ITPKB: variants seen among roughly 807,000 people sequenced by gnomAD.
The protein encoded by ITPKB is IP3 3-kinase B.
ITPKB carries 13 observed loss-of-function variants against 69.4 expected under a neutral mutation model. The ratio of observed to expected loss-of-function variants is 0.19; its 90% confidence interval spans 0.12 to 0.30. The LOEUF (loss-of-function observed/expected upper bound fraction) is 0.30. ITPKB is among the 10% of genes least tolerant of loss of function. The pLI, the probability that ITPKB is intolerant of heterozygous loss-of-function variation, is 1.00. For synonymous variants in ITPKB, 584 were observed against 513.7 expected (o/e 1.14, Z -1.85); for missense variants, 1,240 against 1,250.5 (o/e 0.99, Z 0.13).
intron 2 of ITPKB, among the ~76,000 whole-genome samples, chr1:226,683,498 G>A (rs547415155): frequency 1.3e-5 from 2 of 152,258 alleles, no homozygotes; most frequent in African/African-American, 4.8e-5. Context: ...TTGAACCCAT[G>A]TATATGTACC....
At chr1:226,737,933 T>C (rs892220139) in intron 1 of ITPKB, among the ~76,000 whole-genome samples, 6 of 152,070 alleles carry the variant, frequency 3.9e-5, no homozygotes, top group African/African-American at 1.4e-4. Context: ...CCAATCCTAA[T>C]ACTCGTCTCG....
chr1:226,642,641 G>A lies in ITPKB; in HGVS notation c.2247-516C>T, dbSNP rs534653025. Among the ~76,000 whole-genome samples, 25 of 152,148 alleles carry A rather than the reference G, an allele frequency of 1.6e-4. No individual in the cohort carries two copies. In the South Asian group the frequency reaches 4.6e-3, roughly 28 times the overall value. The stretch of plus-strand genomic sequence containing the variant: ...CGGAGGCAGGGCAGCAGGGGGTGTC[G>A]GGGGTGGCTGGTCCTGATCCTGCTG... On this transcript the variant is annotated intron_variant, in intron 4 of 7. Transcript: ENST00000429204. The surrounding 1 kb of genome is among the most constrained non-coding windows in gnomAD (Gnocchi z 6.4).
intron 2 of ITPKB, among the ~76,000 whole-genome samples, chr1:226,677,568 C>T (rs1290674553): frequency 6.6e-6 from 1 of 152,238 alleles, no homozygotes; most frequent in Non-Finnish European, 1.5e-5. Flanking sequence ...GCTGGAGGTA[C>T]TCCCTCTTCC....
intron 2 of ITPKB, among the ~76,000 whole-genome samples, chr1:226,689,425 G>C (rs969841824): frequency 2.0e-5 from 3 of 152,170 alleles, no homozygotes; most frequent in African/African-American, 7.2e-5. Context: ...CGCTGCTGCG[G>C]GCCAGGTACT....
chr1:226,637,814 C>A lies in ITPKB; in HGVS notation c.2554-64G>T. 1 of 1,234,654 alleles carries A rather than the reference C, an allele frequency of 8.1e-7. No individual in the cohort carries two copies. The highest frequency in any genetic ancestry group is 1.2e-6 in the Non-Finnish European group (1 of 845,086). 76.5% of individuals were successfully genotyped at this position (1,234,654 alleles called of 1,614,324 possible). On this transcript the variant is annotated intron_variant, in intron 6 of 7. Transcript: ENST00000429204. The surrounding 1 kb of genome is among the most constrained non-coding windows in gnomAD (Gnocchi z 4.3). Reference sequence around the variant, plus strand: ...TGGGGAAGGGCAGTGTCAGAACACCCATGCGGCCTCTAGTGGTCCCTCCCG... The same window carrying A: ...TGGGGAAGGGCAGTGTCAGAACACCAATGCGGCCTCTAGTGGTCCCTCCCG...
At chr1:226,713,232 G>A (rs749474732) in intron 2 of ITPKB, among the ~76,000 whole-genome samples, 2 of 151,980 alleles carry the variant, frequency 1.3e-5, no homozygotes, top group Non-Finnish European at 1.5e-5. Context: ...GTTCCCAGAC[G>A]GCTACTAATT....
chr1:226,639,714 A>T (rs988274637), intron 5 of ITPKB, 56 bp from the exon 6 acceptor site: 14 of 1,171,850 alleles, frequency 1.2e-5, no homozygotes, highest in Admixed American at 3.4e-5. Context: ...TCGGGCAGAA[A>T]CTGTTCTCAC....
intron 2 of ITPKB, among the ~76,000 whole-genome samples, chr1:226,686,836 G>GGCC (rs1268824300): frequency 6.6e-6 from 1 of 152,238 alleles, no homozygotes; most frequent in Non-Finnish European, 1.5e-5. Context: ...TGTGCCCTGG[G>GGCC]GGCCACATAT....
intron 2 of ITPKB, among the ~76,000 whole-genome samples, chr1:226,696,730 G>T (rs761844446): frequency 2.5e-4 from 38 of 152,116 alleles, no homozygotes; most frequent in Admixed American, 2.0e-3. Flanking sequence ...TTTACATCTG[G>T]TTAGGGCTCC....
intron 2 of ITPKB, among the ~76,000 whole-genome samples, chr1:226,700,464 TCAA>T (rs1217330290): frequency 2.9e-4 from 8 of 27,884 alleles, no homozygotes; most frequent in South Asian, 2.0e-3. Flanking sequence ...CAAGACTCCG[TCAA>T]AAAAAAAAAA....
At chr1:226,683,611 G>A (rs939598462) in intron 2 of ITPKB, among the ~76,000 whole-genome samples, 7 of 152,078 alleles carry the variant, frequency 4.6e-5, no homozygotes, top group African/African-American at 1.2e-4. Flanking sequence ...AAGTGGAGAC[G>A]GTGGCGGGGG....
intron 2 of ITPKB, among the ~76,000 whole-genome samples, chr1:226,722,504 C>T (rs575050059): frequency 2.6e-5 from 4 of 152,272 alleles, no homozygotes; most frequent in Admixed American, 6.5e-5. Context: ...AGTGTAATAC[C>T]GCAAGGTAAA....
intron 7 of ITPKB, among the ~76,000 whole-genome samples, chr1:226,636,562 C>T (rs1024866778): frequency 4.6e-5 from 7 of 152,252 alleles, no homozygotes; most frequent in African/African-American, 1.7e-4. Context: ...GCTGGCTCCG[C>T]AGCCTTCTCT....
At chr1:226,667,176 A>G (rs1309330849) in intron 2 of ITPKB, among the ~76,000 whole-genome samples, 2 of 152,104 alleles carry the variant, frequency 1.3e-5, no homozygotes, top group East Asian at 3.9e-4. Flanking sequence ...GAGGACATTC[A>G]CGTGATCTGG....
chr1:226,727,783 A>G (rs973618329), intron 2 of ITPKB, among the ~76,000 whole-genome samples: 1 of 152,136 alleles, frequency 6.6e-6, no homozygotes, highest in Non-Finnish European at 1.5e-5. Flanking sequence ...CCACCCCTTC[A>G]GAAGAGTTCT....
At chr1:226,707,933 G>C (rs1202465475) in intron 2 of ITPKB, 6 of 1,330,368 alleles carry the variant, frequency 4.5e-6, no homozygotes, top group Non-Finnish European at 5.9e-6. Context: ...GAGAAGAAAA[G>C]AGGTCATTTT....
At chr1:226,721,348 CAAAAAAAAAAA>C (rs11353595) in intron 2 of ITPKB, among the ~76,000 whole-genome samples, 2 of 64,660 alleles carry the variant, frequency 3.1e-5, no homozygotes, top group Non-Finnish European at 3.1e-5. Context: ...AACTCTGTCT[CAAAAAAAAAAA>C]AAAAAAAAAA....
At position 226,632,674 on chromosome 1, in the gene ITPKB, G is replaced by A. The variant is rs1241260577; in HGVS notation, c.*1997C>T. The A allele has an allele frequency of 1.3e-5, 2 of 152,656 alleles. No homozygotes were observed. The highest frequency in any genetic ancestry group is 2.4e-5 in the African/African-American group (1 of 41,468). The allele number at this position is 152,656 out of a possible 1,614,324, so 9.5% of individuals were successfully genotyped here. On this transcript the variant is annotated 3_prime_UTR_variant, in exon 8 of 8. Transcript: ENST00000429204. The stretch of plus-strand genomic sequence containing the variant: ...TAATAAGCACATCATTTGCATATTA[G>A]CACATTGTTTGCAAACAGCTGGTGT...
At chr1:226,689,137 C>T (rs1656285642) in intron 2 of ITPKB, among the ~76,000 whole-genome samples, 1 of 152,216 alleles carries the variant, frequency 6.6e-6, no homozygotes, top group South Asian at 2.1e-4. Flanking sequence ...TTTTAAAGTT[C>T]CAACCAATAA....
Sources: allele counts gnomAD v4.1 joint callset (sites outside exome capture counted in the v4.1 genomes callset), GRCh38; gene constraint gnomAD v4.1.1; non-coding constraint Gnocchi (gnomAD v3.1); transcripts MANE v1.5; gene names NCBI Gene and HGNC (gene_info 2026-07-23, HGNC 2026-07-21).